Variants in SCFD2 observed in about 807,000 individuals in gnomAD.
SCFD2 encodes the protein sec1 family domain containing 2.
SCFD2 carries 54 observed loss-of-function variants against 58.9 expected under a neutral mutation model. The observed-to-expected ratio is 0.92, with a 90% CI of 0.74 to 1.15. The LOEUF is 1.15. Ranked by LOEUF, SCFD2 falls within the 50% of genes most tolerant of loss-of-function variation. The pLI is 0.00. For missense variants in SCFD2, 805 were observed against 836.6 expected (o/e 0.96, Z 0.47); for synonymous variants, 321 against 335.9 (o/e 0.96, Z 0.49).
At chr4:53,086,457 T>C (rs987220834) in intron 5 of SCFD2, among the ~76,000 whole-genome samples, 6 of 152,196 alleles carry the variant, frequency 3.9e-5, no homozygotes, top group Non-Finnish European at 8.8e-5. Context: ...ACAACCACTA[T>C]GGAGAACAGC....
At chr4:53,031,317 A>C (rs191415517) in intron 5 of SCFD2, among the ~76,000 whole-genome samples, 2 of 152,350 alleles carry the variant, frequency 1.3e-5, no homozygotes, top group South Asian at 2.1e-4. Flanking sequence ...CAGTGCAAAA[A>C]GGATGAAAAT....
chr4:53,025,039 G>C (rs1261335442), intron 5 of SCFD2, among the ~76,000 whole-genome samples: 1 of 152,116 alleles, frequency 6.6e-6, no homozygotes. Flanking sequence ...CAACCTGTGG[G>C]CATCTCCACG....
intron 4 of SCFD2, among the ~76,000 whole-genome samples, chr4:53,164,921 T>A (rs896169456): frequency 1.3e-5 from 2 of 152,070 alleles, no homozygotes; most frequent in African/African-American, 4.8e-5. Flanking sequence ...CTCACCAGCT[T>A]CTCCCTTACA....
chr4:53,247,888 A>T (rs1376556678), intron 4 of SCFD2, among the ~76,000 whole-genome samples: 3 of 151,162 alleles, frequency 2.0e-5, no homozygotes, highest in East Asian at 3.9e-4. Flanking sequence ...AAAAAAAAAA[A>T]AAAAATAACA....
rs191893943 is a variant in SCFD2, at chr4:53,179,117, G to A, written c.1312-33535C>T. On this transcript the variant is annotated intron_variant, in intron 4 of 8. Coordinates refer to ENST00000401642, the MANE Select transcript of SCFD2 (RefSeq NM_152540.4). Reference sequence around the variant, plus strand: ...GAGAACTTCCCCAATCTAGCAAGGCGGGCCAACATTCAAATTCAGGAAATA... The same window carrying A: ...GAGAACTTCCCCAATCTAGCAAGGCAGGCCAACATTCAAATTCAGGAAATA... Among the ~76,000 whole-genome samples the A allele has an allele frequency of 3.9e-3, 593 of 152,156 alleles. 2 individuals carry two copies. Among genetic ancestry groups the A allele is most frequent in the Non-Finnish European group, 6.1e-3 (418 of 67,996 alleles).
intron 4 of SCFD2, among the ~76,000 whole-genome samples, chr4:53,218,493 C>T (rs897637338): frequency 6.6e-6 from 1 of 152,222 alleles, no homozygotes; most frequent in African/African-American, 2.4e-5. Flanking sequence ...TCAGCTCCAT[C>T]AGGTCCTTTA....
intron 8 of SCFD2, 106 bp from the exon 9 acceptor site, chr4:52,874,167 T>C: frequency 2.5e-6 from 2 of 784,838 alleles, no homozygotes; most frequent in East Asian, 2.6e-5. Flanking sequence ...GGGGAGGGCA[T>C]GAAGTGAAGT....
chr4:52,995,039 A>C (rs1181726524), intron 5 of SCFD2, among the ~76,000 whole-genome samples: 1 of 152,174 alleles, frequency 6.6e-6, no homozygotes, highest in Non-Finnish European at 1.5e-5. Context: ...GGGGGGTGGC[A>C]TGGGGATGGT....
At chr4:53,052,684 A>G (rs963883354) in intron 5 of SCFD2, among the ~76,000 whole-genome samples, 7 of 152,176 alleles carry the variant, frequency 4.6e-5, no homozygotes, top group African/African-American at 1.7e-4. Flanking sequence ...TTTTGTAAAG[A>G]TGGCTAAAAT....
chr4:53,365,926 C>G lies in SCFD2; in HGVS notation c.16G>C (p.Val6Leu), dbSNP rs771691386. Residue 6 changes from valine to leucine, a missense_variant, in exon 1 of 9, where the codon GTA becomes CTA. By Grantham distance (32) the Val-to-Leu change is conservative (BLOSUM62 1). Transcript: ENST00000401642. This position sits in a 1 kb window ranked among gnomAD's most constrained non-coding sequence, Gnocchi z 4.3. MSASG[V>L]LSFTQQGWEQ... ...CATCCTTGCTGGGTAAAGGACAGTACGCCCGAGGCGCTCATGGTTGGGGAT... is the reference window on the plus strand; with the variant it reads ...CATCCTTGCTGGGTAAAGGACAGTAGGCCCGAGGCGCTCATGGTTGGGGAT... 6.5e-7 allele frequency: 1 copy of G among 1,538,944 alleles called. No individual in the cohort carries two copies. Among genetic ancestry groups the G allele is most frequent in the South Asian group, 1.2e-5 (1 of 82,634 alleles).
chr4:53,271,587 C>T (rs1316348446), intron 4 of SCFD2, among the ~76,000 whole-genome samples: 1 of 151,924 alleles, frequency 6.6e-6, no homozygotes, highest in Non-Finnish European at 1.5e-5. Context: ...CTCAGCCTCC[C>T]GAGTAGCTGG....
intron 4 of SCFD2, among the ~76,000 whole-genome samples, chr4:53,175,196 T>G (rs1727292680): frequency 6.6e-6 from 1 of 152,170 alleles, no homozygotes; most frequent in Admixed American, 6.5e-5. Flanking sequence ...CTTCTCTAAA[T>G]TAAAAAGCAA....
intron 5 of SCFD2, among the ~76,000 whole-genome samples, chr4:52,939,804 C>A (rs1461755435): frequency 6.6e-6 from 1 of 152,100 alleles, no homozygotes; most frequent in Non-Finnish European, 1.5e-5. Flanking sequence ...AAAGAAGCAC[C>A]ATGAACGTCA....
At chr4:53,186,277 C>A (rs1396710013) in intron 4 of SCFD2, among the ~76,000 whole-genome samples, 1 of 152,052 alleles carries the variant, frequency 6.6e-6, no homozygotes, top group Non-Finnish European at 1.5e-5. Flanking sequence ...ATTCTACCTC[C>A]CCCTTTTCCC....
intron 7 of SCFD2, among the ~76,000 whole-genome samples, chr4:52,897,485 C>G (rs998943688): frequency 6.6e-6 from 1 of 152,160 alleles, no homozygotes; most frequent in African/African-American, 2.4e-5. Flanking sequence ...GTTGAACCAG[C>G]CTTGCATCCC....
chr4:52,969,250 G>A (rs756313700), intron 5 of SCFD2, among the ~76,000 whole-genome samples: 20 of 152,186 alleles, frequency 1.3e-4, no homozygotes, highest in Non-Finnish European at 2.2e-4. Flanking sequence ...AGACCCTATT[G>A]TGGTGGTCTG....
intron 5 of SCFD2, among the ~76,000 whole-genome samples, chr4:53,124,943 A>G (rs533481648): frequency 5.3e-5 from 8 of 152,298 alleles, no homozygotes; most frequent in African/African-American, 1.7e-4. Context: ...GATAGGTACT[A>G]TTATATCCCC....
In SCFD2 at chr4:53,314,606, C is replaced by T. The variant is rs1732800124; in HGVS notation, c.1008-843G>A. On this transcript the variant is annotated intron_variant, in intron 2 of 8. Transcript: ENST00000401642. ...TAAAGACTTTTTCCTCCAATTAAAG[C>T]CCTACTCACTCTCCTACTATCCACT... Among the ~76,000 whole-genome samples the T allele has an allele frequency of 2.0e-5, 3 of 152,160 alleles. No homozygotes were observed. The South Asian group carries it at 6.2e-4, about 32-fold the overall frequency.
chr4:53,177,364 G>C (rs556404904), intron 4 of SCFD2, among the ~76,000 whole-genome samples: 4 of 152,312 alleles, frequency 2.6e-5, no homozygotes, highest in Non-Finnish European at 4.4e-5. Context: ...AGGAAGTAAA[G>C]ACCATGCAGA....
Sources: gnomAD v4.1 joint callset for allele counts (sites outside exome capture counted in the v4.1 genomes callset) on GRCh38, gnomAD v4.1.1 for gene constraint, Gnocchi (gnomAD v3.1) non-coding constraint, MANE v1.5 for transcripts, NCBI Gene and HGNC (gene_info 2026-07-23, HGNC 2026-07-21) for gene names.